Variants in THAP4 observed in about 807,000 individuals in gnomAD.
The protein encoded by THAP4 is THAP domain containing 4.
Under a neutral mutation model 48.1 loss-of-function variants are expected in THAP4, and 18 were observed. The observed-to-expected ratio is 0.37, with a 90% CI of 0.26 to 0.56. THAP4 has a LOEUF of 0.56. Ranked by LOEUF, THAP4 falls within the 20% of genes least tolerant of loss-of-function variation. The probability of loss-of-function intolerance (pLI) is 0.78; values close to 1 mark genes in which losing one functional copy is unlikely to be tolerated. For missense variants in THAP4, 656 were observed against 774.9 expected (o/e 0.85, Z 1.82); for synonymous variants, 345 against 324.9 (o/e 1.06, Z -0.66).
upstream of THAP4, chr2:241,637,381 C>T (rs1559240552): frequency 2.9e-6 from 4 of 1,402,364 alleles, no homozygotes; most frequent in Middle Eastern, 1.9e-4. Context: ...GCTGCTCGGA[C>T]GGGGACAGAG....
rs367575523 is a variant in THAP4 at position 241,632,897 on chromosome 2, C to G, written c.1240+20G>C. 1 of 1,547,686 alleles carries G rather than the reference C, an allele frequency of 6.5e-7. No individual in the cohort carries two copies. The highest frequency in any genetic ancestry group is 1.2e-5 in the South Asian group (1 of 81,302). On this transcript the variant is annotated intron_variant, in intron 2 of 5. Coordinates refer to ENST00000407315, the MANE Select transcript of THAP4 (RefSeq NM_015963.6). ...TCCTAACGGGAAGGGAACATGGGTA[C>G]GCGAGGCTCCGGTACTGACCGCGGC...
chr2:241,626,536 C>T (rs967447147), intron 2 of THAP4, among the ~76,000 whole-genome samples: 3 of 151,948 alleles, frequency 2.0e-5, no homozygotes, highest in Non-Finnish European at 4.4e-5. Flanking sequence ...AAAAAAAACA[C>T]TGTTATTATT....
Position 241,589,366 on chromosome 2 carries a change from G to C in THAP4, c.1615-4641C>G, listed in dbSNP as rs141954332. Among the ~76,000 whole-genome samples, 342 of 151,450 alleles carry C rather than the reference G, an allele frequency of 2.3e-3. 2 individuals carry two copies. Among genetic ancestry groups the C allele is most frequent in the African/African-American group, 7.4e-3 (306 of 41,252 alleles). On this transcript the variant is annotated intron_variant, in intron 5 of 5. Coordinates refer to ENST00000407315, the MANE Select transcript of THAP4 (RefSeq NM_015963.6). ...ACACCTGATAAAGGACTTATACCCA[G>C]AACAAACAACAGGCTCTTACAACTC...
intron 2 of THAP4, among the ~76,000 whole-genome samples, chr2:241,628,854 C>T (rs1272229975): frequency 1.4e-5 from 2 of 144,478 alleles, no homozygotes; most frequent in African/African-American, 2.6e-5. Context: ...GTGAGAGGAT[C>T]GCTGGAGCCC....
At chr2:241,602,358 GT>G (rs1443927907) in intron 4 of THAP4, among the ~76,000 whole-genome samples, 1,493 of 144,258 alleles carry the variant, frequency 0.01, 17 homozygotes, top group African/African-American at 0.034. Context: ...ACGCAGGCTG[GT>G]TTTTTTTTTT....
At chr2:241,628,778 A>C (rs1559234632) in intron 2 of THAP4, among the ~76,000 whole-genome samples, 1 of 151,806 alleles carries the variant, frequency 6.6e-6, no homozygotes, top group Non-Finnish European at 1.5e-5. Flanking sequence ...AAAACAAAAA[A>C]ACACACAAAA....
intron 3 of THAP4, among the ~76,000 whole-genome samples, chr2:241,605,715 T>G (rs2067174151): frequency 6.8e-6 from 1 of 147,852 alleles, no homozygotes. Flanking sequence ...GGGTGACTAA[T>G]TTTTTTCTTT....
At chr2:241,624,546 G>A (rs542507110) in intron 2 of THAP4, among the ~76,000 whole-genome samples, 87 of 152,198 alleles carry the variant, frequency 5.7e-4, no homozygotes, top group Non-Finnish European at 1.1e-3. Context: ...AGGTCTGGAA[G>A]GGTCTCGGGC....
intron 5 of THAP4, among the ~76,000 whole-genome samples, chr2:241,591,226 T>C (rs200755731): frequency 6.9e-6 from 1 of 144,678 alleles, no homozygotes; most frequent in Non-Finnish European, 1.5e-5. Flanking sequence ...TCAGAACTGC[T>C]CGGCTGATGA....
At chr2:241,637,471 G>GGACA, upstream of THAP4, 1 of 1,457,568 alleles carries the variant, frequency 6.9e-7, no homozygotes, top group Non-Finnish European at 9.0e-7. Context: ...GTGTCCCGTC[G>GGACA]GACAGCAGAA....
intron 5 of THAP4, among the ~76,000 whole-genome samples, chr2:241,589,720 G>C (rs961635756): frequency 2.6e-5 from 4 of 152,064 alleles, no homozygotes; most frequent in African/African-American, 9.7e-5. Context: ...TCCACACAAA[G>C]TTAGGTCTAC....
At chr2:241,609,984 C>T (rs1190504268) in intron 2 of THAP4, among the ~76,000 whole-genome samples, 1 of 152,172 alleles carries the variant, frequency 6.6e-6, no homozygotes, top group Non-Finnish European at 1.5e-5. Context: ...TGGGGAGCAG[C>T]GATCCAGAGT....
intron 2 of THAP4, chr2:241,617,629 A>G: frequency 1.6e-6 from 1 of 615,926 alleles, no homozygotes; most frequent in Non-Finnish European, 2.7e-6. Context: ...AGAATTTCAG[A>G]GCTGGAAGGA....
chr2:241,618,826 G>GA (rs142245940), intron 2 of THAP4, among the ~76,000 whole-genome samples: 62 of 145,354 alleles, frequency 4.3e-4, no homozygotes, highest in East Asian at 2.8e-3. Context: ...GAAAAGCCAA[G>GA]AAAAAAAAAA....
chr2:241,597,146 C>G (rs1190007878), intron 5 of THAP4, among the ~76,000 whole-genome samples: 2 of 151,998 alleles, frequency 1.3e-5, no homozygotes, highest in East Asian at 3.9e-4. Flanking sequence ...TCTTTTTTCC[C>G]CAAGATGGAA....
intron 2 of THAP4, among the ~76,000 whole-genome samples, chr2:241,618,013 C>T (rs1363092242): frequency 1.3e-5 from 2 of 152,210 alleles, no homozygotes; most frequent in Non-Finnish European, 2.9e-5. Context: ...GTTAGTGACA[C>T]GTTGTTTCCT....
chr2:241,585,702 C>T (rs2066884944), intron 5 of THAP4, among the ~76,000 whole-genome samples: 2 of 151,802 alleles, frequency 1.3e-5, no homozygotes, highest in Non-Finnish European at 2.9e-5. Context: ...GTGGGGCCTT[C>T]TCAGACTCAT....
upstream of THAP4, chr2:241,637,383 G>A: frequency 7.1e-7 from 1 of 1,408,924 alleles, no homozygotes. Flanking sequence ...TGCTCGGACG[G>A]GGACAGAGCT....
rs2067681643 is a variant in THAP4, at chr2:241,637,066, GC to G, written c.-50del. 5 of 1,106,756 alleles carry G rather than the reference GC, an allele frequency of 4.5e-6. No individual in the cohort carries two copies. Among genetic ancestry groups the G allele is most frequent in the Non-Finnish European group, 5.5e-6 (5 of 902,012 alleles). The allele number at this position is 1,106,756 out of a possible 1,614,324, so 68.6% of individuals were successfully genotyped here. ...AGCCAGGCCCCGGCCCTAGCCGCCC[GC>G]CCGCCCGCGGACCGCCCCGAGGGAG... On this transcript the variant is annotated 5_prime_UTR_variant, in exon 1 of 6. Coordinates refer to ENST00000407315, the MANE Select transcript of THAP4 (RefSeq NM_015963.6).
Sources: allele counts gnomAD v4.1 joint callset (sites outside exome capture counted in the v4.1 genomes callset), GRCh38; gene constraint gnomAD v4.1.1; transcripts MANE v1.5; gene names NCBI Gene and HGNC (gene_info 2026-07-23, HGNC 2026-07-21).